Variants in TRPM3 observed in about 807,000 individuals in gnomAD.
TRPM3 encodes transient receptor potential cation channel subfamily M member 3.
TRPM3 carries 77 observed loss-of-function variants against 181.2 expected under a neutral mutation model. That is an observed-to-expected ratio of 0.42 (90% CI 0.35 to 0.51). TRPM3 has a LOEUF of 0.51. TRPM3 is among the 20% of genes least tolerant of loss of function. The pLI is 0.01. For missense variants in TRPM3, 1,759 were observed against 2,196.7 expected, an observed-to-expected ratio of 0.80 and a Z score of 3.98; for synonymous variants, 745 against 796.4, an observed-to-expected ratio of 0.94 and a Z score of 1.09.
At chr9:71,433,009 G>C (rs2093981008) in intron 1 of TRPM3, among the ~76,000 whole-genome samples, 1 of 152,188 alleles carries the variant, frequency 6.6e-6, no homozygotes. Flanking sequence ...AAAATCCTTA[G>C]TTAGGAAAGA....
intron 1 of TRPM3, among the ~76,000 whole-genome samples, chr9:71,410,833 G>A (rs546009053): frequency 1.7e-3 from 255 of 152,258 alleles, no homozygotes; most frequent in African/African-American, 5.8e-3. Flanking sequence ...TACTCCTGAT[G>A]AACATTGACG....
At chr9:70,665,700 G>A (rs1665447135) in intron 9 of TRPM3, among the ~76,000 whole-genome samples, 1 of 152,070 alleles carries the variant, frequency 6.6e-6, no homozygotes, top group Admixed American at 6.5e-5. Flanking sequence ...GGGCTATTCT[G>A]CTTACTTATG....
chr9:71,068,019 C>T (rs1272855520), intron 1 of TRPM3, among the ~76,000 whole-genome samples: 1 of 152,134 alleles, frequency 6.6e-6, no homozygotes, highest in African/African-American at 2.4e-5. Flanking sequence ...ACCTGGAAGC[C>T]ATTCTGGGGT....
chr9:70,573,800 G>A lies in TRPM3; in HGVS notation c.3223+17231C>T, dbSNP rs138103850. Among the ~76,000 whole-genome samples, 1,050 of 152,160 alleles carry A rather than the reference G, an allele frequency of 6.9e-3. 6 individuals carry two copies. Among genetic ancestry groups the A allele is most frequent in the Middle Eastern group, 0.014 (4 of 294 alleles). Reference sequence around the variant, plus strand: ...TCTAATCACTTCATCTCACAGTGAAGAACTGGGCTCAGGTCCTAACAGCCA... The same window carrying A: ...TCTAATCACTTCATCTCACAGTGAAAAACTGGGCTCAGGTCCTAACAGCCA... On this transcript the variant is annotated intron_variant, in intron 22 of 25. Transcript: ENST00000677713.
intron 1 of TRPM3, among the ~76,000 whole-genome samples, chr9:71,127,586 G>A (rs936218664): frequency 6.6e-6 from 1 of 152,084 alleles, no homozygotes; most frequent in African/African-American, 2.4e-5. Context: ...GTAAGAATGG[G>A]GTCTACAATA....
At chr9:70,842,948 T>G in intron 5 of TRPM3, 55 bp downstream of exon 5, 1 of 1,581,072 alleles carries the variant, frequency 6.3e-7, no homozygotes, top group East Asian at 2.2e-5. Flanking sequence ...TTATTATACT[T>G]TTCTGATATC....
intron 1 of TRPM3, among the ~76,000 whole-genome samples, chr9:71,101,279 T>C (rs1315288795): frequency 2.0e-5 from 3 of 152,166 alleles, no homozygotes; most frequent in African/African-American, 7.2e-5. Context: ...TTTTTTCCTC[T>C]TAAACACCCA....
chr9:71,026,208 G>A (rs921999294), intron 1 of TRPM3, among the ~76,000 whole-genome samples: 2 of 152,112 alleles, frequency 1.3e-5, no homozygotes, highest in Non-Finnish European at 2.9e-5. Context: ...TAGCCCTAGG[G>A]GATCTGTCAG....
chr9:71,244,599 GAAAGCTGTA>G lies in TRPM3; in HGVS notation c.183+202045_183+202053del, dbSNP rs763036903. ...GAACCAACCAGTACATTGGACATTA[GAAAGCTGTA>G]CACTGTACTTTACTTTTTATTCCAA... On this transcript the variant is annotated intron_variant, in intron 1 of 24. Transcript: ENST00000357533. Among the ~76,000 whole-genome samples the G allele has an allele frequency of 1.0e-3, 159 of 152,290 alleles. 1 individual carries two copies. Among genetic ancestry groups the G allele is most frequent in the Non-Finnish European group, 2.2e-4 (15 of 68,024 alleles).
intron 22 of TRPM3, among the ~76,000 whole-genome samples, chr9:70,572,292 A>C (rs1193724522): frequency 6.6e-6 from 1 of 152,236 alleles, no homozygotes; most frequent in African/African-American, 2.4e-5. Context: ...TTAGTACACA[A>C]AATTCCTGTT....
intron 5 of TRPM3, among the ~76,000 whole-genome samples, chr9:70,837,008 G>A (rs1364245041): frequency 2.6e-5 from 4 of 152,218 alleles, no homozygotes; most frequent in Non-Finnish European, 5.9e-5. Flanking sequence ...CTCCAAAGCT[G>A]AGTGTGGTCC....
At chr9:70,937,411 G>C (rs1419559426) in intron 1 of TRPM3, among the ~76,000 whole-genome samples, 1 of 152,122 alleles carries the variant, frequency 6.6e-6, no homozygotes, top group Admixed American at 6.6e-5. Context: ...TGAACTGTAA[G>C]ATGCTACATT....
At position 70,536,799 on chromosome 9, in the gene TRPM3, C is replaced by G. The variant is rs7033976; in HGVS notation, c.4314G>C (p.Leu1438=). The G allele has an allele frequency of 6.2e-7, 1 of 1,614,028 alleles. No individual in the cohort carries two copies. Among genetic ancestry groups the G allele is most frequent in the Non-Finnish European group, 8.5e-7 (1 of 1,180,008 alleles). Residue 1438 remains leucine, a synonymous_variant, in exon 26 of 26, where the codon CTG becomes CTC. Coordinates refer to ENST00000677713, the MANE Select transcript of TRPM3 (RefSeq NM_001366145.2). ...CTGGAGTTGAAAAGCTTGGCTCGCC[C>G]AGCCCAAGGATGTTCACGGAATTGT... The part of the protein sequence containing the change: ...PLDNSVNILG[L]GEPSFSTPVP...
chr9:71,118,296 C>A (rs2072879758), intron 1 of TRPM3, among the ~76,000 whole-genome samples: 1 of 152,054 alleles, frequency 6.6e-6, no homozygotes, highest in Non-Finnish European at 1.5e-5. Context: ...CTGAGATGGA[C>A]AAAACAACAA....
chr9:70,580,583 G>A (rs2055376004), intron 22 of TRPM3, among the ~76,000 whole-genome samples: 1 of 152,160 alleles, frequency 6.6e-6, no homozygotes, highest in South Asian at 2.1e-4. Flanking sequence ...GGCTGGCCCA[G>A]GGAGGACACC....
chr9:71,386,251 C>A (rs1275468770), intron 1 of TRPM3, among the ~76,000 whole-genome samples: 1 of 151,828 alleles, frequency 6.6e-6, no homozygotes, highest in African/African-American at 2.4e-5. Flanking sequence ...GAGATTGAAA[C>A]CATCCTGGCC....
chr9:71,432,131 A>G (rs1266928236), intron 1 of TRPM3, among the ~76,000 whole-genome samples: 2 of 152,210 alleles, frequency 1.3e-5, no homozygotes, highest in Non-Finnish European at 2.9e-5. Context: ...TAAACTATGC[A>G]GTAATACAAT....
intron 1 of TRPM3, among the ~76,000 whole-genome samples, chr9:71,191,521 A>G (rs949885399): frequency 6.6e-6 from 1 of 151,208 alleles, no homozygotes; most frequent in African/African-American, 2.4e-5. Context: ...TTTTTCATTT[A>G]TTTTTGCTCA....
chr9:71,290,451 G>C (rs1014662905), intron 1 of TRPM3, among the ~76,000 whole-genome samples: 32 of 152,090 alleles, frequency 2.1e-4, no homozygotes, highest in African/African-American at 7.7e-4. Flanking sequence ...GAAAGAAATA[G>C]TTCCAATAAT....
Sources: allele counts gnomAD v4.1 joint callset (sites outside exome capture counted in the v4.1 genomes callset), GRCh38; gene constraint gnomAD v4.1.1; transcripts MANE v1.5; gene names NCBI Gene and HGNC (gene_info 2026-07-23, HGNC 2026-07-21).